Variants in RRP1B observed in about 807,000 individuals in gnomAD.
RRP1B encodes the protein ribosomal RNA processing 1B.
RRP1B carries 56 observed loss-of-function variants against 80.2 expected under a neutral mutation model. That is an observed-to-expected ratio of 0.70 (90% CI 0.56 to 0.87). RRP1B has a LOEUF of 0.87. RRP1B is among the 40% of genes least tolerant of loss of function. The pLI is 0.00. For missense variants in RRP1B, 807 were observed against 939.8 expected (o/e 0.86, Z 1.85); for synonymous variants, 351 against 357.6 (o/e 0.98, Z 0.21).
chr21:43,666,420 C>G (rs1194757819), intron 1 of RRP1B, among the ~76,000 whole-genome samples: 1 of 152,136 alleles, frequency 6.6e-6, no homozygotes, highest in African/African-American at 2.4e-5. Context: ...CACTTTCCCC[C>G]TTAAAACTAG....
Position 43,676,778 on chromosome 21 carries a change from C to T in RRP1B, c.660C>T (p.Ile220=), listed in dbSNP as rs184571247. ...QTIARGVFEA[I]VDQSPFVPEE... is the part of the protein sequence containing the mutation. ...TAGCTCGGGGTGTCTTCGAAGCTAT[C>T]GTAGATCAGTCTCCTTTTGTGCCTG... The change falls in exon 8 of 16, where the codon ATC becomes ATT. Residue 220 remains isoleucine, a synonymous_variant. Coordinates refer to ENST00000340648, the MANE Select transcript of RRP1B (RefSeq NM_015056.3). 15 of 1,614,228 alleles carry T rather than the reference C, an allele frequency of 9.3e-6. No homozygotes were observed. The East Asian group carries it at 2.5e-4, about 26-fold the overall frequency.
intron 15 of RRP1B, among the ~76,000 whole-genome samples, chr21:43,692,343 G>C (rs9982727): frequency 6.6e-6 from 1 of 151,934 alleles, no homozygotes; most frequent in Non-Finnish European, 1.5e-5. Flanking sequence ...GCTCATGCCT[G>C]TAATCCCAAC....
Position 43,675,843 on chromosome 21 carries a change from C to CATTTTATTTTATTTT in RRP1B, c.550-388_550-374dup, listed in dbSNP as rs374076927. On this transcript the variant is annotated intron_variant, in intron 6 of 15. Transcript: ENST00000340648. ...TTCTTAAAATATGAGGGGTATTTTG[C>CATTTTATTTTATTTT]ATTTTATTTTATTTTATTTTATTTT... Among the ~76,000 whole-genome samples, 829 of 142,944 alleles carry CATTTTATTTTATTTT rather than the reference C, an allele frequency of 5.8e-3. 8 individuals carry two copies. Among genetic ancestry groups the CATTTTATTTTATTTT allele is most frequent in the African/African-American group, 0.017 (657 of 37,788 alleles). The allele number at this position is 142,944 out of a possible 152,430, so 93.8% of individuals were successfully genotyped here.
rs1286520487 is a variant in RRP1B, at chr21:43,686,931, G to A, written c.1137G>A (p.Glu379=). The A allele has an allele frequency of 1.9e-6, 3 of 1,613,078 alleles. No individual in the cohort carries two copies. In the African/African-American group the frequency reaches 4.0e-5, roughly 22 times the overall value. Residue 379 remains glutamate (E), a synonymous_variant, in exon 12 of 16, where the codon GAG becomes GAA. Transcript: ENST00000340648. ...TAGAGAAAACTAACTTGGAAAAGGA[G>A]AAAGGTAAGCTGTAAAGCTAAAAAG... ...KLLEKTNLEK[E]KGSRVFCVEE... is the part of the protein sequence containing the mutation.
intron 8 of RRP1B, among the ~76,000 whole-genome samples, chr21:43,678,565 T>G (rs2083031068): frequency 6.6e-6 from 1 of 152,196 alleles, no homozygotes; most frequent in African/African-American, 2.4e-5. Flanking sequence ...TTGTTGACCA[T>G]TTGTATATCT....
chr21:43,692,545 G>A (rs561116365), intron 15 of RRP1B, among the ~76,000 whole-genome samples: 2 of 151,738 alleles, frequency 1.3e-5, no homozygotes, highest in Non-Finnish European at 2.9e-5. Context: ...GTTGCAGTGA[G>A]CCAAGATCGT....
At chr21:43,674,020 C>A in intron 4 of RRP1B, 65 bp downstream of exon 4, 1 of 1,214,850 alleles carries the variant, frequency 8.2e-7, no homozygotes, top group Non-Finnish European at 1.2e-6. Flanking sequence ...ATCTTAAAAA[C>A]AATGGGAAGG....
chr21:43,680,384 C>T (rs911549207), intron 8 of RRP1B, among the ~76,000 whole-genome samples: 7 of 146,594 alleles, frequency 4.8e-5, no homozygotes, highest in African/African-American at 1.7e-4. Flanking sequence ...ATGCTCAAAC[C>T]CTGTCTCTAC....
In RRP1B at chr21:43,693,231, G is replaced by A; in HGVS notation, c.2125G>A (p.Gly709Ser). The change falls in exon 16 of 16, where the codon GGC (glycine) becomes AGC (serine). Residue 709 changes from glycine (G) to serine (S), a missense_variant. Gly to Ser is a moderately conservative substitution (Grantham distance 56). Coordinates refer to ENST00000340648, the MANE Select transcript of RRP1B (RefSeq NM_015056.3). The surrounding 1 kb of genome is among the most constrained non-coding windows in gnomAD (Gnocchi z 4.1). ...CAAGAGTATCTTGGTCAGTCCCACG[G>A]GCCCTTCTCGAGTGGCCTTCGACCC... is the stretch of plus-strand genomic sequence containing the variant. ...TDKSILVSPT[G>S]PSRVAFDPEQ... The A allele has an allele frequency of 1.9e-6, 3 of 1,614,030 alleles. No individual in the cohort carries two copies. Among genetic ancestry groups the A allele is most frequent in the Non-Finnish European group, 2.5e-6 (3 of 1,180,024 alleles).
In RRP1B at chr21:43,693,480, T is replaced by C; in HGVS notation, c.*97T>C. The C allele has an allele frequency of 2.4e-6, 3 of 1,247,840 alleles. No homozygotes were observed. In the East Asian group the frequency reaches 8.0e-5, roughly 33 times the overall value. 77.3% of individuals were successfully genotyped at this position (1,247,840 alleles called of 1,614,324 possible). A position where few individuals can be genotyped will look rare whatever the true frequency, so the allele number is the denominator to read the frequency against. On this transcript the variant is annotated 3_prime_UTR_variant, in exon 16 of 16. Transcript: ENST00000340648. This position sits in a 1 kb window ranked among gnomAD's most constrained non-coding sequence, Gnocchi z 4.1. The stretch of plus-strand genomic sequence containing the variant: ...GGGGCCTTTTTTATGATTTTGTAAG[T>C]TCCCATAAGTTGTGTGCACGAGGTT...
In RRP1B at chr21:43,672,294, C is replaced by T. The variant is rs1568955907; in HGVS notation, c.214-14C>T. ...CGATAACCCCCATGTTTCTCCCCAA[C>T]CCCGCCTCTGCAGGAAGAGCTCGCC... On this transcript the variant is annotated splice_polypyrimidine_tract_variant and intron_variant, in intron 2 of 15. Coordinates refer to ENST00000340648, the MANE Select transcript of RRP1B (RefSeq NM_015056.3). The T allele has an allele frequency of 2.5e-6, 4 of 1,613,760 alleles. No homozygotes were observed. The East Asian group carries it at 6.7e-5, about 27-fold the overall frequency.
At chr21:43,686,755 G>C in intron 11 of RRP1B, 49 bp from the exon 12 acceptor site, 1 of 1,607,504 alleles carries the variant, frequency 6.2e-7, no homozygotes. Context: ...CCCTGGGGCA[G>C]AGTCTTGAGC....
chr21:43,680,465 G>A (rs1383072252), intron 8 of RRP1B, among the ~76,000 whole-genome samples: 1 of 152,056 alleles, frequency 6.6e-6, no homozygotes, highest in East Asian at 1.9e-4. Flanking sequence ...TCAGGAGGCT[G>A]AGGCAGGAGA....
chr21:43,664,347 AAAAG>A (rs889290906), intron 1 of RRP1B, among the ~76,000 whole-genome samples: 2 of 152,044 alleles, frequency 1.3e-5, no homozygotes, highest in Admixed American at 1.3e-4. Context: ...AAAAAAAAGA[AAAAG>A]AAAAAAGGGA....
At chr21:43,668,757 T>C (rs370345257) in intron 1 of RRP1B, among the ~76,000 whole-genome samples, 86 of 152,326 alleles carry the variant, frequency 5.6e-4, no homozygotes, top group African/African-American at 2.0e-3. Flanking sequence ...TATAGCACTT[T>C]GTTGCTCCAA....
chr21:43,665,886 C>T (rs2082976442), intron 1 of RRP1B, among the ~76,000 whole-genome samples: 1 of 152,212 alleles, frequency 6.6e-6, no homozygotes, highest in South Asian at 2.1e-4. Flanking sequence ...GTCAGGTGTT[C>T]CTTTATAGCA....
At chr21:43,681,314 CT>C (rs143431997) in intron 8 of RRP1B, among the ~76,000 whole-genome samples, 7,866 of 149,806 alleles carry the variant, frequency 0.053, 688 homozygotes, top group African/African-American at 0.18. Flanking sequence ...AATCAAGAAC[CT>C]TTTTTTTCTT....
At chr21:43,684,678 A>G in intron 10 of RRP1B, 28 bp downstream of exon 10, 3 of 1,552,982 alleles carry the variant, frequency 1.9e-6, no homozygotes, top group Non-Finnish European at 2.7e-6. Context: ...GGGTTCTGAC[A>G]TCATCATTCC....
intron 13 of RRP1B, 111 bp from the exon 14 acceptor site, chr21:43,690,177 C>T (rs770791447): frequency 1.7e-5 from 22 of 1,285,014 alleles, no homozygotes; most frequent in Non-Finnish European, 2.2e-5. Flanking sequence ...CGCGGGCCGT[C>T]GGGTGGGCTG....
Sources: allele counts gnomAD v4.1 joint callset (sites outside exome capture counted in the v4.1 genomes callset), GRCh38; gene constraint gnomAD v4.1.1; non-coding constraint Gnocchi (gnomAD v3.1); transcripts MANE v1.5; gene names NCBI Gene and HGNC (gene_info 2026-07-23, HGNC 2026-07-21).